The following HEATR6 variants were observed in gnomAD, a reference collection of about 807,000 sequenced individuals.
HEATR6 encodes HEAT repeat containing 6.
In HEATR6, 106 loss-of-function variants were observed where a neutral mutation model predicts 132.8. The ratio of observed to expected loss-of-function variants is 0.80; its 90% CI spans 0.68 to 0.94. The LOEUF is 0.94. HEATR6 is among the 40% of genes least tolerant of loss of function. The pLI, the probability that HEATR6 is intolerant of heterozygous loss-of-function variation, is 0.00. For synonymous variants in HEATR6, 529 were observed against 537.8 expected, an observed-to-expected ratio of 0.98 and a Z score of 0.23; for missense variants, 1,339 against 1,425.1, an observed-to-expected ratio of 0.94 and a Z score of 0.97.
Position 60,057,355 on chromosome 17 carries a change from G to T in HEATR6, c.1772C>A (p.Ser591Tyr), listed in dbSNP as rs766901851. ...GACTTCAGGTAAAGGTGCGTGGGTG[G>T]ACACTATAGCTCCCAAGAGTGTGAG... ...SSLTLLGAIV[S>Y]THAPLPEVQL... is the part of the protein sequence containing the mutation. Residue 591 changes from serine to tyrosine, a missense_variant, in exon 12 of 20, where the codon TCC becomes TAC. Transcript: ENST00000184956. 5.0e-6 allele frequency: 8 copies of T among 1,613,414 alleles called. No homozygotes were observed. The highest frequency in any genetic ancestry group is 5.9e-6 in the Non-Finnish European group (7 of 1,179,698).
At chr17:60,054,248 G>T (rs1323750719) in intron 14 of HEATR6, among the ~76,000 whole-genome samples, 1 of 152,250 alleles carries the variant, frequency 6.6e-6, no homozygotes, top group Non-Finnish European at 1.5e-5. Context: ...GTGGTGTTAA[G>T]CCTGCAGATG....
At chr17:60,061,573 C>A (rs934805283) in intron 9 of HEATR6, among the ~76,000 whole-genome samples, 1 of 152,236 alleles carries the variant, frequency 6.6e-6, no homozygotes, top group African/African-American at 2.4e-5. Flanking sequence ...GTCACAACCA[C>A]CCAACTCTGT....
intron 1 of HEATR6, chr17:60,076,736 GA>G (rs1462347884): frequency 6.5e-6 from 1 of 152,788 alleles, no homozygotes; most frequent in Non-Finnish European, 1.5e-5. Context: ...AAAAGGAAAA[GA>G]ATCAGTACGG....
Position 60,047,374 on chromosome 17 carries a change from A to G in HEATR6, c.2704T>C (p.Phe902Leu). 2 of 1,612,868 alleles carry G rather than the reference A, an allele frequency of 1.2e-6. No individual in the cohort carries two copies. Among genetic ancestry groups the G allele is most frequent in the Non-Finnish European group, 1.7e-6 (2 of 1,179,394 alleles). Reference sequence around the variant, plus strand: ...ATTTTCAAGAGCAGGAGACCAGAGAACTCTTCCTGGAAACTTGGGTCTGGT... The same window carrying G: ...ATTTTCAAGAGCAGGAGACCAGAGAGCTCTTCCTGGAAACTTGGGTCTGGT... ...ETPDPSFQEE[F>L]SGLLLLKMLR... Residue 902 changes from phenylalanine to leucine, a missense_variant, in exon 18 of 20, where the codon TTC (phenylalanine) becomes CTC (leucine). Coordinates refer to ENST00000184956, the MANE Select transcript of HEATR6 (RefSeq NM_022070.5).
rs964368325 is a variant in HEATR6 at position 60,043,483 on chromosome 17, G to A, written c.*80C>T. 3 of 1,174,092 alleles carry A rather than the reference G, an allele frequency of 2.6e-6. No individual in the cohort carries two copies. Among genetic ancestry groups the A allele is most frequent in the Non-Finnish European group, 2.4e-6 (2 of 818,118 alleles). The allele number at this position is 1,174,092 out of a possible 1,614,324, so 72.7% of individuals were successfully genotyped here. On this transcript the variant is annotated 3_prime_UTR_variant, in exon 20 of 20. Transcript: ENST00000184956. ...GTGAACGGATTGTTTCTGCCCCTAAGATGAAATCCCACAGATCTTATGCTC... is the reference window on the plus strand; with the variant it reads ...GTGAACGGATTGTTTCTGCCCCTAAAATGAAATCCCACAGATCTTATGCTC...
At chr17:60,073,484 A>C (rs1349125046) in intron 3 of HEATR6, among the ~76,000 whole-genome samples, 1 of 152,210 alleles carries the variant, frequency 6.6e-6, no homozygotes, top group Non-Finnish European at 1.5e-5. Flanking sequence ...GTAGCTGCTG[A>C]TGCTCTTTAG....
chr17:60,068,890 A>G (rs755535687), intron 7 of HEATR6, among the ~76,000 whole-genome samples: 1 of 152,172 alleles, frequency 6.6e-6, no homozygotes, highest in Non-Finnish European at 1.5e-5. Context: ...ATTGCATTGT[A>G]GTTGTTTATT....
rs749602662 is a variant in HEATR6 at position 60,073,803 on chromosome 17, CCT to C, written c.409_410del (p.Arg137GlyfsTer36). The part of the protein sequence containing the change: ...AIHQCSSWTH[R>X]EILQALAALV... Reference sequence around the variant, plus strand: ...GAGCTGCCAGGGCTTGAAGAATTTCCCTGTGTGTCCAGGAACTACACTGATGA... The same window carrying C: ...GAGCTGCCAGGGCTTGAAGAATTTCCGTGTGTCCAGGAACTACACTGATGA... On this transcript the variant is annotated frameshift_variant, in exon 3 of 20. Transcript: ENST00000184956. LOFTEE classifies it high-confidence loss of function. The C allele has an allele frequency of 1.9e-6, 3 of 1,614,092 alleles. No individual in the cohort carries two copies. The East Asian group carries it at 6.7e-5, about 36-fold the overall frequency.
In HEATR6 at chr17:60,056,122, C is replaced by T. The variant is rs776844335; in HGVS notation, c.2195G>A (p.Gly732Glu). Reference sequence around the variant, plus strand: ...GGTTTTGATGAAAATTACCTTTGCTCCATGAAGCTGAATGGATGGATCTGC... The same window carrying T: ...GGTTTTGATGAAAATTACCTTTGCTTCATGAAGCTGAATGGATGGATCTGC... The part of the protein sequence containing the change: ...GEADPSIQLH[G>E]AKLLEELGTG... The change falls in exon 13 of 20, where the codon GGA becomes GAA. Residue 732 changes from glycine (G) to glutamate (E), a missense_variant. Gly to Glu is a moderately conservative substitution (Grantham distance 98). Transcript: ENST00000184956. 2 of 1,613,654 alleles carry T rather than the reference C, an allele frequency of 1.2e-6. No homozygotes were observed. Among genetic ancestry groups the T allele is most frequent in the Non-Finnish European group, 1.7e-6 (2 of 1,179,868 alleles).
At chr17:60,070,460 C>T (rs2083264724) in intron 6 of HEATR6, among the ~76,000 whole-genome samples, 1 of 152,130 alleles carries the variant, frequency 6.6e-6, no homozygotes, top group Non-Finnish European at 1.5e-5. Context: ...AGGTCATACT[C>T]CCCTACCGAT....
In HEATR6 at chr17:60,078,842, C is replaced by G; in HGVS notation, c.73G>C (p.Glu25Gln). ...AAGAGGCGAAACCCATTGCCTCGCT[C>G]AGGGATTGCTTCCCGCGGTGCCTCC... Reference protein sequence around the residue: ...PREAPREAIPERGNGFRLLSA... With the variant: ...PREAPREAIPQRGNGFRLLSA... Residue 25 changes from glutamate to glutamine, a missense_variant, in exon 1 of 20, where the codon GAG becomes CAG. By Grantham distance (29) the Glu-to-Gln change is conservative. Coordinates refer to ENST00000184956, the MANE Select transcript of HEATR6 (RefSeq NM_022070.5). The G allele has an allele frequency of 6.3e-7, 1 of 1,595,464 alleles. No individual in the cohort carries two copies. Among genetic ancestry groups the G allele is most frequent in the Non-Finnish European group, 8.5e-7 (1 of 1,174,208 alleles).
chr17:60,073,418 T>C, intron 3 of HEATR6, 139 bp from the exon 4 acceptor site: 1 of 624,236 alleles, frequency 1.6e-6, no homozygotes, highest in Non-Finnish European at 2.8e-6. Context: ...ATGTCTCCGA[T>C]GGATATGCAA....
rs975956238 is a variant in HEATR6 at position 60,041,650 on chromosome 17, T to C, written c.*1913A>G. Among the ~76,000 whole-genome samples, 8 of 152,200 alleles carry C rather than the reference T, an allele frequency of 5.3e-5. No individual in the cohort carries two copies. Among genetic ancestry groups the C allele is most frequent in the African/African-American group, 1.9e-4 (8 of 41,458 alleles). On this transcript the variant is annotated 3_prime_UTR_variant, in exon 20 of 20. Transcript: ENST00000184956. ...GTCTTTGCTGTGCTTGCAGTCTTAA[T>C]TCTGTGGACACTGATATTCTATCAA... is the stretch of plus-strand genomic sequence containing the variant.
At position 60,047,486 on chromosome 17, in the gene HEATR6, A is replaced by G. The variant is rs1906408714; in HGVS notation, c.2673-81T>C. 4.4e-6 allele frequency: 3 copies of G among 682,626 alleles called. No individual in the cohort carries two copies. In the Admixed American group the frequency reaches 9.2e-5, roughly 21 times the overall value. 42.3% of individuals were successfully genotyped at this position (682,626 alleles called of 1,614,324 possible). On this transcript the variant is annotated intron_variant, in intron 17 of 19. Coordinates refer to ENST00000184956, the MANE Select transcript of HEATR6 (RefSeq NM_022070.5). ...ACATATAGAAATATATTCAATTAGT[A>G]TAAGCCTAAAAGTTTAGGAAAACAG...
chr17:60,051,396 G>C (rs774987074), intron 14 of HEATR6, among the ~76,000 whole-genome samples: 11 of 152,200 alleles, frequency 7.2e-5, no homozygotes, highest in Non-Finnish European at 1.6e-4. Flanking sequence ...TTCACACAAG[G>C]AAACTGAGGC....
At position 60,078,699 on chromosome 17, in the gene HEATR6, C is replaced by T. The variant is rs1436155371; in HGVS notation, c.216G>A (p.Pro72=). The change falls in exon 1 of 20, where the codon CCG becomes CCA. Residue 72 remains proline (P), a synonymous_variant. Coordinates refer to ENST00000184956, the MANE Select transcript of HEATR6 (RefSeq NM_022070.5). ...GCCAGCAGGGCGCGCCGCCTACCTC[C>T]GGGGCCACGCCACTGCCCTCGCTGT... ...ENYSEGSGVA[P]EDVSALLVQA... 7.1e-6 allele frequency: 11 copies of T among 1,540,928 alleles called. No homozygotes were observed. The highest frequency in any genetic ancestry group is 2.5e-5 in the East Asian group (1 of 40,758).
intron 9 of HEATR6, among the ~76,000 whole-genome samples, chr17:60,065,031 T>C (rs1185202594): frequency 6.6e-6 from 1 of 152,188 alleles, no homozygotes; most frequent in Admixed American, 6.5e-5. Context: ...TCTTCAAATA[T>C]ATATTTTCAA....
intron 7 of HEATR6, among the ~76,000 whole-genome samples, chr17:60,069,217 A>G (rs1274507982): frequency 1.3e-5 from 2 of 152,222 alleles, no homozygotes; most frequent in Non-Finnish European, 2.9e-5. Context: ...AACAGTCTAG[A>G]GTGGGGTTGG....
intron 2 of HEATR6, 119 bp from the exon 3 acceptor site, chr17:60,074,005 A>G (rs2083284324): frequency 1.4e-6 from 2 of 1,427,022 alleles, no homozygotes; most frequent in South Asian, 3.3e-5. Context: ...TCTGTCGTTT[A>G]TGTGTCAAAA....
Sources: gnomAD v4.1 joint callset for allele counts (sites outside exome capture counted in the v4.1 genomes callset) on GRCh38, gnomAD v4.1.1 for gene constraint, MANE v1.5 for transcripts, NCBI Gene and HGNC (gene_info 2026-07-23, HGNC 2026-07-21) for gene names.